Variants in GBE1 observed in about 807,000 individuals in gnomAD.
GBE1 encodes the protein 1,4-alpha-glucan-branching enzyme.
In GBE1, 70 loss-of-function variants were observed where a neutral mutation model predicts 88.8. The ratio of observed to expected loss-of-function variants is 0.79; its 90% CI spans 0.65 to 0.96. The LOEUF is 0.96. GBE1 is among the 40% of genes least tolerant of loss of function. The pLI is 0.00. For synonymous variants in GBE1, 284 were observed against 300.1 expected (o/e 0.95, Z 0.56); for missense variants, 872 against 871.0 (o/e 1.00, Z -0.01).
At chr3:81,619,963 C>T (rs993943908) in intron 7 of GBE1, among the ~76,000 whole-genome samples, 2 of 151,694 alleles carry the variant, frequency 1.3e-5, no homozygotes, top group Admixed American at 1.3e-4. Flanking sequence ...ATGTCATCAC[C>T]ATTAAAAAAC....
intron 12 of GBE1, among the ~76,000 whole-genome samples, chr3:81,563,880 A>G (rs945812063): frequency 2.1e-5 from 3 of 140,706 alleles, no homozygotes; most frequent in African/African-American, 7.6e-5. Flanking sequence ...TAATGAATAC[A>G]TTCAGGGAGG....
At chr3:81,697,056 G>C (rs1002409131) in intron 2 of GBE1, among the ~76,000 whole-genome samples, 6 of 152,072 alleles carry the variant, frequency 3.9e-5, no homozygotes, top group Non-Finnish European at 5.9e-5. Context: ...AGATCCCACA[G>C]GTTGGGGGCT....
At chr3:81,650,649 T>C (rs373298859) in intron 3 of GBE1, among the ~76,000 whole-genome samples, 5 of 152,316 alleles carry the variant, frequency 3.3e-5, no homozygotes, top group South Asian at 2.1e-4. Context: ...TTCCAAATGA[T>C]TGAAATGATA....
intron 7 of GBE1, among the ~76,000 whole-genome samples, chr3:81,609,871 C>T (rs1030874754): frequency 2.6e-5 from 4 of 152,048 alleles, no homozygotes; most frequent in African/African-American, 7.2e-5. Context: ...AATAGAGTCT[C>T]GTAGAGCTCA....
intron 15 of GBE1, among the ~76,000 whole-genome samples, 153 bp downstream of exon 15, chr3:81,498,957 A>C (rs1702550096): frequency 6.6e-6 from 1 of 152,168 alleles, no homozygotes; most frequent in South Asian, 2.1e-4. Flanking sequence ...CACACATTAC[A>C]TCTGGCCAAG....
chr3:81,576,322 G>A (rs934357050), intron 12 of GBE1, among the ~76,000 whole-genome samples: 5 of 152,034 alleles, frequency 3.3e-5, no homozygotes, highest in East Asian at 1.9e-4. Flanking sequence ...GTTTTAGATT[G>A]TAAATTCTCT....
chr3:81,509,229 G>A (rs1288927911), intron 14 of GBE1, among the ~76,000 whole-genome samples: 1 of 148,070 alleles, frequency 6.8e-6, no homozygotes, highest in Non-Finnish European at 1.5e-5. Context: ...TTACATTAAA[G>A]TTTAATCATA....
intron 15 of GBE1, among the ~76,000 whole-genome samples, chr3:81,490,727 C>T (rs1379856144): frequency 6.6e-6 from 1 of 151,948 alleles, no homozygotes; most frequent in East Asian, 1.9e-4. Context: ...CGTGAATGGC[C>T]CTGTTACTGC....
intron 14 of GBE1, among the ~76,000 whole-genome samples, chr3:81,529,434 T>A (rs1246958622): frequency 6.6e-6 from 1 of 151,718 alleles, no homozygotes; most frequent in Non-Finnish European, 1.5e-5. Context: ...TCTTATTGCT[T>A]ATTAACATCC....
Position 81,499,349 on chromosome 3 carries a change from A to G in GBE1, c.1935-122T>C, listed in dbSNP as rs878922979. 1.4e-5 allele frequency: 10 copies of G among 700,998 alleles called. No individual in the cohort carries two copies. In the South Asian group the frequency reaches 1.6e-4, roughly 11 times the overall value. 43.4% of individuals were successfully genotyped at this position (700,998 alleles called of 1,614,324 possible). A position where few individuals can be genotyped will look rare whatever the true frequency, so the allele number is the denominator to read the frequency against. ...TGTTAAATCATAATTTGTGCTAAGA[A>G]CTCATTTCTTCTTTTATAGTTTTAT... On this transcript the variant is annotated intron_variant, in intron 14 of 15. Transcript: ENST00000429644.
At chr3:81,703,344 G>A (rs541140578) in intron 2 of GBE1, among the ~76,000 whole-genome samples, 6 of 151,968 alleles carry the variant, frequency 3.9e-5, no homozygotes, top group Non-Finnish European at 8.8e-5. Context: ...ATCAGATCTC[G>A]TGGTCTTTTA....
chr3:81,695,876 C>T (rs1705583966), intron 2 of GBE1, among the ~76,000 whole-genome samples: 1 of 151,910 alleles, frequency 6.6e-6, no homozygotes, highest in Admixed American at 6.6e-5. Flanking sequence ...GAAGCGATTC[C>T]GCCACTGATT....
chr3:81,738,069 A>G (rs1706294830), intron 1 of GBE1, among the ~76,000 whole-genome samples: 1 of 151,824 alleles, frequency 6.6e-6, no homozygotes, highest in Non-Finnish European at 1.5e-5. Flanking sequence ...ATGTCCCTAC[A>G]AAGGACATGA....
At chr3:81,683,787 C>T (rs1429375135) in intron 2 of GBE1, among the ~76,000 whole-genome samples, 2 of 152,048 alleles carry the variant, frequency 1.3e-5, no homozygotes, top group African/African-American at 2.4e-5. Flanking sequence ...AGAAACCTGA[C>T]AAAGAATTGA....
chr3:81,702,744 T>C (rs918868441), intron 2 of GBE1, among the ~76,000 whole-genome samples: 4 of 152,074 alleles, frequency 2.6e-5, no homozygotes, highest in Admixed American at 6.6e-5. Flanking sequence ...GAGGACATTT[T>C]TACAATAAAA....
intron 3 of GBE1, among the ~76,000 whole-genome samples, chr3:81,655,802 G>A (rs1704930905): frequency 1.3e-5 from 2 of 152,054 alleles, no homozygotes; most frequent in South Asian, 4.1e-4. Context: ...TTACAGGGCT[G>A]AGCCACCACG....
chr3:81,566,163 T>C (rs1281232359), intron 12 of GBE1, among the ~76,000 whole-genome samples: 1 of 152,234 alleles, frequency 6.6e-6, no homozygotes, highest in Non-Finnish European at 1.5e-5. Flanking sequence ...CTACAACTTC[T>C]GTTCTAAAAC....
chr3:81,615,441 C>G (rs950902320), intron 7 of GBE1, among the ~76,000 whole-genome samples: 1 of 152,166 alleles, frequency 6.6e-6, no homozygotes, highest in Non-Finnish European at 1.5e-5. Context: ...CTCCTGTTTT[C>G]TCACCACCAC....
At position 81,520,989 on chromosome 3, in the gene GBE1, C is replaced by T. The variant is rs192330639; in HGVS notation, c.1934+14206G>A. Among the ~76,000 whole-genome samples, 129 of 151,590 alleles carry T rather than the reference C, an allele frequency of 8.5e-4. 1 individual carries two copies. The highest frequency in any genetic ancestry group is 4.2e-3 in the Admixed American group (64 of 15,164). On this transcript the variant is annotated intron_variant, in intron 14 of 15. Coordinates refer to ENST00000429644, the MANE Select transcript of GBE1 (RefSeq NM_000158.4). Reference sequence around the variant, plus strand: ...CAGTCTTGCCTCTCAGTTTTCCAAACGTATTCTCTTATTTTGAAGAGATAG... The same window carrying T: ...CAGTCTTGCCTCTCAGTTTTCCAAATGTATTCTCTTATTTTGAAGAGATAG...
Sources: allele counts gnomAD v4.1 joint callset (sites outside exome capture counted in the v4.1 genomes callset), GRCh38; gene constraint gnomAD v4.1.1; transcripts MANE v1.5; gene names NCBI Gene and HGNC (gene_info 2026-07-23, HGNC 2026-07-21).